The following ANKMY1 variants were observed in gnomAD, a reference collection of about 807,000 sequenced individuals.
ANKMY1 encodes the protein ankyrin repeat and MYND domain containing 1, also known as ankyrin repeat and MYND domain-containing protein 1.
In ANKMY1, 98 loss-of-function variants were observed where a neutral mutation model predicts 102.0. That is an observed-to-expected ratio of 0.96 (90% CI 0.82 to 1.14). The LOEUF is 1.14. Ranked by LOEUF, ANKMY1 falls within the 50% of genes most tolerant of loss-of-function variation. ANKMY1 has a pLI of 0.00. For missense variants in ANKMY1, 1,330 were observed against 1,347.6 expected (o/e 0.99, Z 0.20); for synonymous variants, 582 against 559.9 (o/e 1.04, Z -0.56).
rs774312023 is a variant in ANKMY1, at chr2:240,525,746, A to T, written c.1274T>A (p.Leu425His). The T allele has an allele frequency of 4.3e-6, 7 of 1,613,986 alleles. No individual in the cohort carries two copies. The highest frequency in any genetic ancestry group is 5.9e-6 in the Non-Finnish European group (7 of 1,180,008). Residue 425 changes from leucine to histidine, a missense_variant, in exon 7 of 18, where the codon CTC (leucine) becomes CAC (histidine). Physicochemically the swap from Leu to His is moderately conservative, Grantham distance 99. Coordinates refer to ENST00000401804, the MANE Select transcript of ANKMY1 (RefSeq NM_001282771.3). ...CTTGAAGGACTGGGCGGGGTAGTGG[A>T]GGAGGAAACACATGCTGAGTGCCGT... ...GLTALSMCFL[L>H]HYPAQSFKPN...
At chr2:240,531,987 A>T in intron 4 of ANKMY1, 1 of 275,482 alleles carries the variant, frequency 3.6e-6, no homozygotes, top group South Asian at 3.1e-5. Context: ...AAGACACAGA[A>T]ATGAGACATA....
At chr2:240,511,389 A>G (rs1353185023) in intron 11 of ANKMY1, among the ~76,000 whole-genome samples, 1 of 152,174 alleles carries the variant, frequency 6.6e-6, no homozygotes, top group Non-Finnish European at 1.5e-5. Flanking sequence ...CATCCACCCC[A>G]GCCGCTGGGC....
At chr2:240,543,755 AG>A (rs1183984078) in intron 4 of ANKMY1, among the ~76,000 whole-genome samples, 1 of 152,182 alleles carries the variant, frequency 6.6e-6, no homozygotes, top group Non-Finnish European at 1.5e-5. Context: ...TAAGTGCTAT[AG>A]GGGAACTTTT....
chr2:240,515,675 ATTTG>A (rs1203773395), intron 9 of ANKMY1, among the ~76,000 whole-genome samples: 5 of 152,258 alleles, frequency 3.3e-5, no homozygotes, highest in South Asian at 2.1e-4. Context: ...CAAGGGTAAA[ATTTG>A]TTTTTCTCTT....
intron 5 of ANKMY1, among the ~76,000 whole-genome samples, chr2:240,528,539 C>T (rs1414791659): frequency 3.3e-5 from 5 of 152,094 alleles, no homozygotes; most frequent in Admixed American, 6.5e-5. Context: ...CCATGTCAAC[C>T]GAGAGGAGAC....
At position 240,554,985 on chromosome 2, in the gene ANKMY1, C is replaced by T; in HGVS notation, c.217G>A (p.Glu73Lys). The T allele has an allele frequency of 6.8e-6, 11 of 1,614,212 alleles. No homozygotes were observed. Among genetic ancestry groups the T allele is most frequent in the Non-Finnish European group, 9.3e-6 (11 of 1,180,028 alleles). ...EGPLRAQDLR[E>K]SYIQLVQGVQ... ...CCCTGGACGAGCTGGATGTAGGACT[C>T]CCTCAGGTCCTGCGCCCTCAGCGGG... Residue 73 changes from glutamate to lysine, a missense_variant, in exon 3 of 18, where the codon GAG (glutamate) becomes AAG (lysine). By Grantham distance (56) the Glu-to-Lys change is moderately conservative. Coordinates refer to ENST00000401804, the MANE Select transcript of ANKMY1 (RefSeq NM_001282771.3).
chr2:240,476,589 G>A (rs1356160441), downstream of ANKMY1, among the ~76,000 whole-genome samples: 1 of 152,226 alleles, frequency 6.6e-6, no homozygotes, highest in Non-Finnish European at 1.5e-5. Context: ...AGAGCTGCAG[G>A]TGGAGACAGC....
At chr2:240,545,761 C>T (rs865904950) in intron 4 of ANKMY1, among the ~76,000 whole-genome samples, 2 of 151,824 alleles carry the variant, frequency 1.3e-5, no homozygotes, top group Non-Finnish European at 2.9e-5. Context: ...AGGGTATCAG[C>T]GATGGAAGAT....
In ANKMY1 at chr2:240,554,985, C is replaced by A. The variant is rs966074347; in HGVS notation, c.217G>T (p.Glu73Ter). The A allele has an allele frequency of 6.2e-7, 1 of 1,614,212 alleles. No individual in the cohort carries two copies. Among genetic ancestry groups the A allele is most frequent in the Non-Finnish European group, 8.5e-7 (1 of 1,180,028 alleles). ...EGPLRAQDLR[E>*]SYIQLVQGVQ... Reference sequence around the variant, plus strand: ...CCCTGGACGAGCTGGATGTAGGACTCCCTCAGGTCCTGCGCCCTCAGCGGG... The same window carrying A: ...CCCTGGACGAGCTGGATGTAGGACTACCTCAGGTCCTGCGCCCTCAGCGGG... The change falls in exon 3 of 18, where the codon GAG becomes TAG. Residue 73 changes from glutamate (E) to a stop codon, truncating the protein, a stop_gained. Transcript: ENST00000401804. LOFTEE classifies it high-confidence loss of function.
At chr2:240,482,048 A>C in intron 16 of ANKMY1, 135 bp downstream of exon 16, 1 of 927,608 alleles carries the variant, frequency 1.1e-6, no homozygotes, top group Non-Finnish European at 1.7e-6. Flanking sequence ...AGGACTTCCT[A>C]GAGGAGGCCA....
chr2:240,500,481 C>T lies in ANKMY1; in HGVS notation c.2611G>A (p.Val871Met), dbSNP rs1238657319. ...QGEKEAVGTA[V>M]DYGYFRFFQD... ...AAGAATCTGAAGTAGCCATAGTCCACGGCTGTGCCCACTGCCTCCTTTTCT... is the reference window on the plus strand; with the variant it reads ...AAGAATCTGAAGTAGCCATAGTCCATGGCTGTGCCCACTGCCTCCTTTTCT... The change falls in exon 14 of 18, where the codon GTG (valine) becomes ATG (methionine). Residue 871 changes from valine to methionine, a missense_variant. Val to Met is a conservative substitution (Grantham distance 21). Transcript: ENST00000401804. 8.1e-6 allele frequency: 13 copies of T among 1,613,986 alleles called. No individual in the cohort carries two copies. Among genetic ancestry groups the T allele is most frequent in the African/African-American group, 5.3e-5 (4 of 74,936 alleles).
At chr2:240,487,714 T>G (rs958561720) in intron 15 of ANKMY1, among the ~76,000 whole-genome samples, 10 of 151,720 alleles carry the variant, frequency 6.6e-5, no homozygotes, top group South Asian at 2.1e-4. Context: ...TATTCTTTTG[T>G]TTTTTTTAGG....
intron 4 of ANKMY1, among the ~76,000 whole-genome samples, chr2:240,545,473 G>A (rs2090145628): frequency 6.6e-6 from 1 of 152,236 alleles, no homozygotes; most frequent in African/African-American, 2.4e-5. Flanking sequence ...TCAAAGGAAC[G>A]CAGTTCCTCA....
intron 6 of ANKMY1, 188 bp from the exon 7 acceptor site, chr2:240,526,037 T>C (rs2083315749): frequency 1.0e-6 from 1 of 970,776 alleles, no homozygotes; most frequent in Non-Finnish European, 1.5e-6. Context: ...CCCAAACCCT[T>C]CTGCACTGGA....
At chr2:240,495,432 C>T (rs1349783573) in intron 15 of ANKMY1, among the ~76,000 whole-genome samples, 1 of 152,202 alleles carries the variant, frequency 6.6e-6, no homozygotes, top group Non-Finnish European at 1.5e-5. Context: ...GTACACCTGG[C>T]TCTGCCTTCT....
At chr2:240,513,541 C>A (rs1189458446) in intron 9 of ANKMY1, among the ~76,000 whole-genome samples, 1 of 152,234 alleles carries the variant, frequency 6.6e-6, no homozygotes, top group Non-Finnish European at 1.5e-5. Context: ...CTCGCTCCAA[C>A]AGGAAAGAGA....
chr2:240,534,341 TCATGCCTG>T (rs1230772566), intron 4 of ANKMY1, among the ~76,000 whole-genome samples: 1 of 152,228 alleles, frequency 6.6e-6, no homozygotes, highest in African/African-American at 2.4e-5. Flanking sequence ...TTTTAGTGGC[TCATGCCTG>T]CAATCCTAAA....
downstream of ANKMY1, chr2:240,479,372 C>T: frequency 1.7e-6 from 1 of 585,484 alleles, no homozygotes; most frequent in Non-Finnish European, 3.0e-6. Context: ...CAGGCACGGG[C>T]TCCACAAAAG....
chr2:240,506,752 C>T lies in ANKMY1; in HGVS notation c.2526+808G>A, dbSNP rs962885952. 2.6e-5 allele frequency among the ~76,000 whole-genome samples: 4 copies of T among 151,936 alleles called. No homozygotes were observed. The highest frequency in any genetic ancestry group is 4.4e-5 in the Non-Finnish European group (3 of 67,996). On this transcript the variant is annotated intron_variant, in intron 13 of 17. Coordinates refer to ENST00000401804, the MANE Select transcript of ANKMY1 (RefSeq NM_001282771.3). The surrounding 1 kb of genome is among the most constrained non-coding windows in gnomAD (Gnocchi z 4.9). ...GCAAGGTCGTGGGTGGTGCCCACAGCGGACACAGGAAGGGCTGGCATGGGC... is the reference window on the plus strand; with the variant it reads ...GCAAGGTCGTGGGTGGTGCCCACAGTGGACACAGGAAGGGCTGGCATGGGC...
Sources: allele counts gnomAD v4.1 joint callset (sites outside exome capture counted in the v4.1 genomes callset), GRCh38; gene constraint gnomAD v4.1.1; non-coding constraint Gnocchi (gnomAD v3.1); transcripts MANE v1.5; gene names NCBI Gene and HGNC (gene_info 2026-07-23, HGNC 2026-07-21).